DDAH1: variants seen among roughly 807,000 people sequenced by gnomAD.
DDAH1 encodes dimethylarginine dimethylaminohydrolase 1.
Under a neutral mutation model 28.8 loss-of-function variants are expected in DDAH1, and 19 were observed. That is an observed-to-expected ratio of 0.66 (90% CI 0.46 to 0.97). The LOEUF (loss-of-function observed/expected upper bound fraction) is 0.97, where lower values mean the gene tolerates loss of function less well. Ranked by LOEUF, DDAH1 falls within the 50% of genes least tolerant of loss-of-function variation. The pLI is 0.00. For missense variants in DDAH1, 326 were observed against 375.9 expected (o/e 0.87, Z 1.10); for synonymous variants, 153 against 154.4 (o/e 0.99, Z 0.07).
At position 85,319,453 on chromosome 1, in the gene DDAH1, TG is replaced by T. The variant is rs1179664553; in HGVS notation, c.*1998del. The T allele has an allele frequency of 6.6e-6, 1 of 152,244 alleles. No homozygotes were observed. The highest frequency in any genetic ancestry group is 1.5e-5 in the Non-Finnish European group (1 of 68,042). The allele number at this position is 152,244 out of a possible 1,614,324, so 9.4% of individuals were successfully genotyped here. Reference sequence around the variant, plus strand: ...AGTAAAGATATTAAAAATTATATGCTGGTAAGCCTAAACTGGCAGATTGGGC... The same window carrying T: ...AGTAAAGATATTAAAAATTATATGCTGTAAGCCTAAACTGGCAGATTGGGC... On this transcript the variant is annotated 3_prime_UTR_variant, in exon 6 of 6. Coordinates refer to ENST00000284031, the MANE Select transcript of DDAH1 (RefSeq NM_012137.4).
At chr1:85,522,700 T>C (rs1422405992) in intron 1 of DDAH1, among the ~76,000 whole-genome samples, 9 of 152,154 alleles carry the variant, frequency 5.9e-5, no homozygotes, top group Non-Finnish European at 1.3e-4. Context: ...TATGGTCTTA[T>C]ATTGGATAAC....
chr1:85,322,623 G>A (rs1262999800), intron 5 of DDAH1, among the ~76,000 whole-genome samples: 1 of 152,182 alleles, frequency 6.6e-6, no homozygotes, highest in African/African-American at 2.4e-5. Flanking sequence ...TTTCAGTGAA[G>A]TGACATTCCC....
chr1:85,459,979 T>G (rs894582710), intron 1 of DDAH1, among the ~76,000 whole-genome samples: 4 of 152,320 alleles, frequency 2.6e-5, no homozygotes, highest in African/African-American at 7.2e-5. Flanking sequence ...AACAAGCACT[T>G]CATGCAAAAA....
At chr1:85,489,751 G>A (rs1656324255) in intron 2 of DDAH1, among the ~76,000 whole-genome samples, 1 of 152,116 alleles carries the variant, frequency 6.6e-6, no homozygotes, top group Non-Finnish European at 1.5e-5. Flanking sequence ...ACCAAGGAAG[G>A]AGGATGTAGT....
chr1:85,410,670 A>C (rs1427324159), intron 1 of DDAH1, among the ~76,000 whole-genome samples: 2 of 151,830 alleles, frequency 1.3e-5, no homozygotes, highest in Non-Finnish European at 2.9e-5. Flanking sequence ...TGAGGTTAAC[A>C]TTGAATATTC....
At chr1:85,358,241 T>C (rs1266798622) in intron 2 of DDAH1, among the ~76,000 whole-genome samples, 2 of 152,244 alleles carry the variant, frequency 1.3e-5, no homozygotes, top group Non-Finnish European at 2.9e-5. Flanking sequence ...AAAGGACATA[T>C]ATACTAAATA....
At chr1:85,342,586 A>C (rs1648572136) in intron 4 of DDAH1, among the ~76,000 whole-genome samples, 1 of 152,248 alleles carries the variant, frequency 6.6e-6, no homozygotes, top group Non-Finnish European at 1.5e-5. Flanking sequence ...TTTCAAGTTT[A>C]TACAATGTTT....
At chr1:85,557,977 T>A (rs1659028785) in intron 1 of DDAH1, among the ~76,000 whole-genome samples, 1 of 152,136 alleles carries the variant, frequency 6.6e-6, no homozygotes, top group Non-Finnish European at 1.5e-5. Flanking sequence ...TCTGTGAGAC[T>A]CTGTTATGGC....
chr1:85,497,704 C>A (rs1382220327), intron 1 of DDAH1, among the ~76,000 whole-genome samples: 1 of 152,048 alleles, frequency 6.6e-6, no homozygotes, highest in Non-Finnish European at 1.5e-5. Flanking sequence ...AATTTTAACT[C>A]AAATACAATA....
intron 1 of DDAH1, among the ~76,000 whole-genome samples, chr1:85,375,895 G>A (rs1303607852): frequency 1.3e-5 from 2 of 152,028 alleles, no homozygotes; most frequent in Non-Finnish European, 2.9e-5. Flanking sequence ...GGAAAAAAGG[G>A]AAGAAAAAAC....
chr1:85,395,509 C>G (rs1557575520), intron 1 of DDAH1, among the ~76,000 whole-genome samples: 1 of 151,900 alleles, frequency 6.6e-6, no homozygotes, highest in African/African-American at 2.4e-5. Flanking sequence ...CCTGTCTCTA[C>G]TAAAAATACA....
At chr1:85,566,012 C>T (rs988084993) in intron 1 of DDAH1, among the ~76,000 whole-genome samples, 1 of 150,514 alleles carries the variant, frequency 6.6e-6, no homozygotes, top group African/African-American at 2.4e-5. Flanking sequence ...ACCCAGTAGG[C>T]GGAGGTTGCA....
At chr1:85,540,132 A>G (rs1658426982) in intron 1 of DDAH1, among the ~76,000 whole-genome samples, 1 of 108,308 alleles carries the variant, frequency 9.2e-6, no homozygotes, top group African/African-American at 2.6e-5. Flanking sequence ...CACTAAAATG[A>G]GAAAAAAATA....
intron 2 of DDAH1, among the ~76,000 whole-genome samples, chr1:85,483,315 C>T (rs944598137): frequency 6.6e-6 from 1 of 151,256 alleles, no homozygotes; most frequent in African/African-American, 2.4e-5. Flanking sequence ...AAACTAGGAA[C>T]ACAGAAAAGA....
chr1:85,503,604 G>A (rs1318348374), intron 1 of DDAH1, among the ~76,000 whole-genome samples: 1 of 150,380 alleles, frequency 6.6e-6, no homozygotes, highest in Non-Finnish European at 1.5e-5. Context: ...TATCTACTAA[G>A]CCCATGAAGG....
chr1:85,456,080 C>T (rs1654866620), intron 1 of DDAH1, among the ~76,000 whole-genome samples: 1 of 150,564 alleles, frequency 6.6e-6, no homozygotes. Flanking sequence ...TCCCCTACAA[C>T]CCGGGTTCCA....
intron 1 of DDAH1, among the ~76,000 whole-genome samples, chr1:85,364,932 A>G (rs536913608): frequency 6.6e-6 from 1 of 152,220 alleles, no homozygotes; most frequent in African/African-American, 2.4e-5. Flanking sequence ...GGTCTTAAAA[A>G]TTTCTAAATA....
intron 1 of DDAH1, among the ~76,000 whole-genome samples, chr1:85,392,703 G>A (rs1186082000): frequency 6.7e-6 from 1 of 149,538 alleles, no homozygotes; most frequent in East Asian, 2.0e-4. Flanking sequence ...TGAGGCAGGA[G>A]AACGGCTTGA....
At position 85,476,338 on chromosome 1, in the gene DDAH1, T is replaced by C. The variant is rs189476443; in HGVS notation, c.-7+19828A>G. ...TGGCTTTATAAAACAGTCATTTTGT[T>C]TGGACCATGATTTGTGGATTAGGAA... On this transcript the variant is annotated intron_variant, in intron 2 of 6. Coordinates refer to the DDAH1 transcript ENST00000426972. Among the ~76,000 whole-genome samples, 8 of 152,358 alleles carry C rather than the reference T, an allele frequency of 5.3e-5. No individual in the cohort carries two copies. In the South Asian group the frequency reaches 8.3e-4, roughly 16 times the overall value.
Sources: gnomAD v4.1 joint callset for allele counts (sites outside exome capture counted in the v4.1 genomes callset) on GRCh38, gnomAD v4.1.1 for gene constraint, MANE v1.5 for transcripts, NCBI Gene and HGNC (gene_info 2026-07-23, HGNC 2026-07-21) for gene names.